Variants in FDFT1 observed in about 807,000 individuals in gnomAD.
FDFT1 encodes squalene synthase.
A neutral mutation model predicts 46.8 loss-of-function variants in FDFT1; 68 were observed. The ratio of observed to expected loss-of-function variants is 1.45; its 90% CI spans 1.19 to 1.78. The LOEUF (loss-of-function observed/expected upper bound fraction) is 1.78, where lower values mean the gene tolerates loss of function less well. FDFT1 is among the 40% of genes most tolerant of loss of function. The pLI, the probability that FDFT1 is intolerant of heterozygous loss-of-function variation, is 0.00. For missense variants in FDFT1, 928 were observed against 524.4 expected, an observed-to-expected ratio of 1.77 and a Z score of -7.52; for synonymous variants, 351 against 185.1, an observed-to-expected ratio of 1.90 and a Z score of -7.28.
intron 3 of FDFT1, among the ~76,000 whole-genome samples, chr8:11,816,284 T>C (rs1808435249): frequency 1.3e-5 from 2 of 152,236 alleles, no homozygotes; most frequent in South Asian, 4.1e-4. Context: ...TGTAGTATAG[T>C]TTGAAGTCAG....
chr8:11,795,893 G>C (rs769284837), exon 1 of FDFT1: 1 of 152,540 alleles, frequency 6.6e-6, no homozygotes, highest in Non-Finnish European at 1.5e-5. Flanking sequence ...AACAGACTCC[G>C]GACACGCCGC....
chr8:11,802,398 C>A (rs966449466), upstream of FDFT1: 1 of 456,786 alleles, frequency 2.2e-6, no homozygotes, highest in Non-Finnish European at 4.4e-6. Context: ...GGCTCCTGCG[C>A]ATCCTAAGCC....
chr8:11,824,298 T>G (rs959761396), intron 4 of FDFT1, among the ~76,000 whole-genome samples: 1 of 152,224 alleles, frequency 6.6e-6, no homozygotes, highest in Non-Finnish European at 1.5e-5. Flanking sequence ...GAGGACAGCT[T>G]TTGACAAATT....
upstream of FDFT1, chr8:11,798,228 T>G (rs1805763069): frequency 1.3e-5 from 2 of 152,142 alleles, no homozygotes; most frequent in Admixed American, 1.3e-4. Flanking sequence ...CTCAGCTAAT[T>G]TTGGTATTTT....
At chr8:11,801,712 G>T (rs573472349), upstream of FDFT1, 3 of 243,554 alleles carry the variant, frequency 1.2e-5, no homozygotes, top group Non-Finnish European at 1.6e-5. Context: ...TTTTTTTTTG[G>T]AGACGTAGTC....
rs548656634 is a variant in FDFT1 at position 11,802,778 on chromosome 8, G to C, written c.-55G>C. Reference sequence around the variant, plus strand: ...CCACAGGTCCAGCCGGCCGGTGAGCGCCTGGGGACCGCAGAGGTGAGAGTC... The same window carrying C: ...CCACAGGTCCAGCCGGCCGGTGAGCCCCTGGGGACCGCAGAGGTGAGAGTC... On this transcript the variant is annotated 5_prime_UTR_variant, in exon 1 of 8. Transcript: ENST00000220584. 2.3e-4 allele frequency: 322 copies of C among 1,414,704 alleles called. 2 individuals carry two copies. The African/African-American group carries it at 4.2e-3, about 19-fold the overall frequency. The allele number at this position is 1,414,704 out of a possible 1,614,324, so 87.6% of individuals were successfully genotyped here.
intron 3 of FDFT1, among the ~76,000 whole-genome samples, chr8:11,820,377 T>C (rs1809059295): frequency 6.6e-6 from 1 of 152,180 alleles, no homozygotes; most frequent in Non-Finnish European, 1.5e-5. Flanking sequence ...ACTGCTCTCT[T>C]CAGAGCTGTC....
At chr8:11,805,639 G>C (rs1307780130) in intron 1 of FDFT1, among the ~76,000 whole-genome samples, 1 of 152,168 alleles carries the variant, frequency 6.6e-6, no homozygotes, top group Non-Finnish European at 1.5e-5. Flanking sequence ...CCAACTCTAA[G>C]ATGGTCTGAA....
chr8:11,832,576 A>AAAAAAAAAAAAAAAAAAT (rs139242873), intron 7 of FDFT1, among the ~76,000 whole-genome samples: 60 of 134,852 alleles, frequency 4.4e-4, no homozygotes, highest in Non-Finnish European at 6.6e-4. Context: ...AAAAAAAAAA[A>AAAAAAAAAAAAAAAAAAT]GTCTTAGAGA....
In FDFT1 at chr8:11,809,701, G is replaced by A; in HGVS notation, c.232G>A (p.Ala78Thr). 6.2e-7 allele frequency: 1 copy of A among 1,614,016 alleles called. No individual in the cohort carries two copies. Among genetic ancestry groups the A allele is most frequent in the Non-Finnish European group, 8.5e-7 (1 of 1,179,974 alleles). Residue 78 changes from alanine to threonine, a missense_variant, in exon 3 of 8, where the codon GCT becomes ACT. Physicochemically the swap from Ala to Thr is moderately conservative, Grantham distance 58. Transcript: ENST00000220584. ...AVCIFYLVLR[A>T]LDTLEDDMTI... is the part of the protein sequence containing the mutation. ...GTGCATATTTTATCTGGTTCTCCGAGCTCTGGACACACTGGAAGATGACAT... is the reference window on the plus strand; with the variant it reads ...GTGCATATTTTATCTGGTTCTCCGAACTCTGGACACACTGGAAGATGACAT...
At chr8:11,822,143 G>A (rs1019636144) in intron 4 of FDFT1, among the ~76,000 whole-genome samples, 1 of 152,300 alleles carries the variant, frequency 6.6e-6, no homozygotes, top group Non-Finnish European at 1.5e-5. Flanking sequence ...TGACCATGAA[G>A]ATTAAAACTA....
chr8:11,808,177 T>G, intron 1 of FDFT1: 2 of 858,558 alleles, frequency 2.3e-6, no homozygotes, highest in Non-Finnish European at 1.5e-6. Context: ...ACAGATGCGT[T>G]GAGTACAAAG....
intron 1 of FDFT1, among the ~76,000 whole-genome samples, chr8:11,805,710 G>C (rs1585861299): frequency 6.6e-6 from 1 of 152,178 alleles, no homozygotes; most frequent in Non-Finnish European, 1.5e-5. Flanking sequence ...TTGAAGTTGA[G>C]GCTTCATTCA....
rs2280943 is a variant in FDFT1 at position 11,810,655 on chromosome 8, G to A, written c.381+805G>A. On this transcript the variant is annotated intron_variant, in intron 3 of 7. Transcript: ENST00000220584. ...GTCCCTCAAGTTCATGTGGACATCT[G>A]CCTAGGTCCTACTATCCTAGAATTC... 6.2e-4 allele frequency among the ~76,000 whole-genome samples: 94 copies of A among 152,278 alleles called. 1 individual carries two copies. In the East Asian group the frequency reaches 0.015, roughly 25 times the overall value.
At chr8:11,838,312 G>T (rs1010468874) in intron 7 of FDFT1, 76 bp from the exon 8 acceptor site, 6 of 1,123,284 alleles carry the variant, frequency 5.3e-6, no homozygotes, top group Non-Finnish European at 5.4e-6. Context: ...ATACCTGCCA[G>T]TGGAGGGTTG....
intron 1 of FDFT1, chr8:11,808,273 C>G: frequency 1.6e-6 from 2 of 1,216,784 alleles, no homozygotes; most frequent in Non-Finnish European, 2.0e-6. Flanking sequence ...GACGAGCGAG[C>G]CGCTCGGAAG....
At chr8:11,815,834 G>A (rs894038277) in intron 3 of FDFT1, among the ~76,000 whole-genome samples, 1 of 152,146 alleles carries the variant, frequency 6.6e-6, no homozygotes, top group African/African-American at 2.4e-5. Context: ...TTACTCTGAT[G>A]ATAGTTTCTT....
In FDFT1 at chr8:11,808,890, C is replaced by T. The variant is rs1308749411; in HGVS notation, c.196C>T (p.Arg66Cys). ...TATCCAGGCGCTGGATGGGGAAATGCGGTGAGTGATGGAGGCAGCGCCTCT... is the reference window on the plus strand; with the variant it reads ...TATCCAGGCGCTGGATGGGGAAATGTGGTGAGTGATGGAGGCAGCGCCTCT... ...AVIQALDGEM[R>C]NAVCIFYLVL... Residue 66 changes from arginine (R) to cysteine (C), a missense_variant and splice_region_variant, in exon 2 of 8, where the codon CGC becomes TGC. Coordinates refer to ENST00000220584, the MANE Select transcript of FDFT1 (RefSeq NM_004462.5). The T allele has an allele frequency of 6.2e-7, 1 of 1,612,966 alleles. No homozygotes were observed. The highest frequency in any genetic ancestry group is 8.5e-7 in the Non-Finnish European group (1 of 1,179,548).
chr8:11,797,638 C>CAAAAAAAAA (rs34350077), upstream of FDFT1, among the ~76,000 whole-genome samples: 4 of 75,492 alleles, frequency 5.3e-5, no homozygotes, highest in Non-Finnish European at 7.0e-5. Context: ...CACACACACT[C>CAAAAAAAAA]AAAAAAAAAA....
Sources: gnomAD v4.1 joint callset for allele counts (sites outside exome capture counted in the v4.1 genomes callset) on GRCh38, gnomAD v4.1.1 for gene constraint, MANE v1.5 for transcripts, NCBI Gene and HGNC (gene_info 2026-07-23, HGNC 2026-07-21) for gene names.